ELP3: variants seen among roughly 807,000 people sequenced by gnomAD.
ELP3 encodes the protein elongator complex protein 3.
Under a neutral mutation model 74.9 loss-of-function variants are expected in ELP3, and 56 were observed. The observed-to-expected ratio is 0.75, with a 90% CI of 0.60 to 0.93. The LOEUF (loss-of-function observed/expected upper bound fraction) is 0.93. Ranked by LOEUF, ELP3 falls within the 40% of genes least tolerant of loss-of-function variation. The probability of loss-of-function intolerance (pLI) is 0.00; values close to 1 mark genes in which losing one functional copy is unlikely to be tolerated. For missense variants in ELP3, 573 were observed against 686.5 expected (o/e 0.83, Z 1.85); for synonymous variants, 222 against 239.8 (o/e 0.93, Z 0.68).
chr8:28,130,993 A>G (rs1170502183), intron 8 of ELP3, among the ~76,000 whole-genome samples: 1 of 152,214 alleles, frequency 6.6e-6, no homozygotes, highest in Non-Finnish European at 1.5e-5. Context: ...CTACAATGTG[A>G]TGGAGCATAT....
intron 3 of ELP3, among the ~76,000 whole-genome samples, chr8:28,106,316 G>C (rs566245552): frequency 5.3e-5 from 8 of 151,984 alleles, no homozygotes; most frequent in African/African-American, 1.9e-4. Flanking sequence ...CGAGGCGGGC[G>C]GATCACGAGG....
At chr8:28,098,484 T>G (rs956810990) in intron 2 of ELP3, among the ~76,000 whole-genome samples, 4 of 152,248 alleles carry the variant, frequency 2.6e-5, no homozygotes, top group Admixed American at 1.3e-4. Flanking sequence ...TTTCTTTCTT[T>G]TTTTGTTGGT....
At chr8:28,183,065 TTAATG>T (rs569696100) in intron 14 of ELP3, 4 of 451,006 alleles carry the variant, frequency 8.9e-6, no homozygotes, top group South Asian at 4.7e-5. Context: ...TCCTCTGCCT[TTAATG>T]TAACCCCTTT....
intron 7 of ELP3, among the ~76,000 whole-genome samples, chr8:28,125,460 A>T (rs894833761): frequency 2.4e-4 from 37 of 152,158 alleles, no homozygotes; most frequent in Admixed American, 2.4e-3. Flanking sequence ...TTGAAAGAGG[A>T]GCTGCCACGA....
intron 7 of ELP3, among the ~76,000 whole-genome samples, chr8:28,117,333 G>A (rs1008304272): frequency 3.3e-5 from 5 of 152,114 alleles, no homozygotes; most frequent in African/African-American, 1.2e-4. Context: ...TTGCAGAAAT[G>A]TTCTAGTGCT....
At chr8:28,171,995 C>T (rs571823823) in intron 14 of ELP3, among the ~76,000 whole-genome samples, 5 of 152,148 alleles carry the variant, frequency 3.3e-5, no homozygotes, top group Non-Finnish European at 7.4e-5. Context: ...TCTGGGCTCT[C>T]AGTTCTATTT....
upstream of ELP3, among the ~76,000 whole-genome samples, chr8:28,090,912 T>TA (rs1356482320): frequency 6.8e-6 from 1 of 148,132 alleles, no homozygotes; most frequent in Non-Finnish European, 1.5e-5. Flanking sequence ...TCCTTTTTTT[T>TA]TTTTTTTTTT....
chr8:28,106,986 C>T (rs1811723494), intron 4 of ELP3, among the ~76,000 whole-genome samples: 2 of 152,188 alleles, frequency 1.3e-5, no homozygotes, highest in East Asian at 1.9e-4. Context: ...AAGTGGCTTA[C>T]GCCTATAATC....
At chr8:28,170,130 C>T (rs772390870) in intron 14 of ELP3, among the ~76,000 whole-genome samples, 26 of 152,182 alleles carry the variant, frequency 1.7e-4, no homozygotes, top group Non-Finnish European at 3.5e-4. Flanking sequence ...GACTGCCTAC[C>T]ACAATGTATC....
intron 3 of ELP3, among the ~76,000 whole-genome samples, chr8:28,105,581 A>G (rs1811656534): frequency 6.6e-6 from 1 of 152,204 alleles, no homozygotes; most frequent in Admixed American, 6.5e-5. Flanking sequence ...TCAGTGGACC[A>G]AGCGAGGACA....
At chr8:28,141,144 C>G (rs1279276207) in intron 10 of ELP3, among the ~76,000 whole-genome samples, 3 of 152,174 alleles carry the variant, frequency 2.0e-5, no homozygotes, top group Admixed American at 6.5e-5. Flanking sequence ...CCCCACCATA[C>G]TTAGCAATTG....
At chr8:28,161,506 G>T (rs137933522) in intron 13 of ELP3, among the ~76,000 whole-genome samples, 4,184 of 151,960 alleles carry the variant, frequency 0.028, 207 homozygotes, top group African/African-American at 0.097. Context: ...CCTGGGAGGC[G>T]GAGGTTGCAG....
intron 14 of ELP3, among the ~76,000 whole-genome samples, chr8:28,164,208 C>G (rs186907170): frequency 2.6e-5 from 4 of 152,136 alleles, no homozygotes; most frequent in African/African-American, 9.7e-5. Flanking sequence ...GAGGTCATAT[C>G]CAATTGCTCA....
chr8:28,093,957 A>T (rs968434761), intron 1 of ELP3, among the ~76,000 whole-genome samples: 1 of 152,226 alleles, frequency 6.6e-6, no homozygotes, highest in South Asian at 2.1e-4. Flanking sequence ...GACCAAAATT[A>T]TACTTAGATA....
Position 28,097,283 on chromosome 8 carries a change from A to C in ELP3, c.84A>C (p.Glu28Asp), listed in dbSNP as rs1399859184. ...TIGDVIKQLI[E>D]AHEQGKDIDL... ...GAGATGTTATTAAACAACTGATTGA[A>C]GCCCACGAGCAGGGGAAAGACATCG... The change falls in exon 2 of 15, where the codon GAA becomes GAC. Residue 28 changes from glutamate (E) to aspartate (D), a missense_variant. Physicochemically the swap from Glu to Asp is conservative, Grantham distance 45 (BLOSUM62 2). Transcript: ENST00000256398. 1 of 1,613,894 alleles carries C rather than the reference A, an allele frequency of 6.2e-7. No homozygotes were observed. The highest frequency in any genetic ancestry group is 1.3e-5 in the African/African-American group (1 of 74,924).
At chr8:28,127,412 A>G (rs1000275) in intron 7 of ELP3, among the ~76,000 whole-genome samples, 18,788 of 152,180 alleles carry the variant, frequency 0.12, 1,290 homozygotes, top group East Asian at 0.32. Flanking sequence ...ACCAGTTGGA[A>G]TGCCTCATTC....
chr8:28,191,135 A>G lies in ELP3; in HGVS notation c.*1410A>G, dbSNP rs572356703. ...TTCCTCTGAAAGGGCCTGAAAATAA[A>G]AAGTCTTTAACATACAAAGAAGAGT... On this transcript the variant is annotated 3_prime_UTR_variant, in exon 15 of 15. Transcript: ENST00000256398. The G allele has an allele frequency of 2.0e-5, 3 of 152,372 alleles. No homozygotes were observed. The East Asian group carries it at 5.8e-4, about 29-fold the overall frequency. 9.4% of individuals were successfully genotyped at this position (152,372 alleles called of 1,614,324 possible). A position where few individuals can be genotyped will look rare whatever the true frequency, so the allele number is the denominator to read the frequency against.
chr8:28,096,164 C>G (rs1373215601), intron 1 of ELP3, among the ~76,000 whole-genome samples: 2 of 152,154 alleles, frequency 1.3e-5, no homozygotes, highest in Non-Finnish European at 2.9e-5. Flanking sequence ...GTCACTGTCT[C>G]CCATCACCCC....
intron 9 of ELP3, among the ~76,000 whole-genome samples, chr8:28,135,960 C>CTT (rs1174760093): frequency 9.2e-5 from 13 of 141,040 alleles, no homozygotes; most frequent in Non-Finnish European, 1.4e-4. Flanking sequence ...TTTCCTGTTC[C>CTT]TTTTTTTTTT....
Sources: allele counts gnomAD v4.1 joint callset (sites outside exome capture counted in the v4.1 genomes callset), GRCh38; gene constraint gnomAD v4.1.1; transcripts MANE v1.5; gene names NCBI Gene and HGNC (gene_info 2026-07-23, HGNC 2026-07-21).